Variants in CSMD1 observed in about 807,000 individuals in gnomAD.
CSMD1 encodes CUB and sushi domain-containing protein 1.
CSMD1 carries 213 observed loss-of-function variants against 417.5 expected under a neutral mutation model. The observed-to-expected ratio is 0.51, with a 90% CI of 0.46 to 0.57. CSMD1 has a LOEUF of 0.57. Ranked by LOEUF, CSMD1 falls within the 20% of genes least tolerant of loss-of-function variation. The pLI is 0.00. For missense variants in CSMD1, 6,923 were observed against 4,529.7 expected (o/e 1.53, Z -15.17); for synonymous variants, 2,862 against 1,736.8 (o/e 1.65, Z -16.11).
chr8:4,634,275 C>G (rs73188776), intron 2 of CSMD1, among the ~76,000 whole-genome samples: 15,944 of 151,976 alleles, frequency 0.1, 900 homozygotes, highest in Non-Finnish European at 0.12. Context: ...GTAAATAATA[C>G]TATATTTCTG....
At chr8:3,224,195 C>G (rs759491206) in intron 27 of CSMD1, among the ~76,000 whole-genome samples, 17 of 152,280 alleles carry the variant, frequency 1.1e-4, no homozygotes, top group Middle Eastern at 3.4e-3. Context: ...CCCATACCTG[C>G]CAACGTGCAC....
At chr8:4,827,198 C>A (rs149012822) in intron 1 of CSMD1, among the ~76,000 whole-genome samples, 245 of 152,204 alleles carry the variant, frequency 1.6e-3, no homozygotes, top group African/African-American at 5.7e-3. Flanking sequence ...TAACTGAAAA[C>A]CTCAGAATGT....
intron 1 of CSMD1, among the ~76,000 whole-genome samples, chr8:4,799,937 T>G (rs1798185504): frequency 6.6e-6 from 1 of 152,102 alleles, no homozygotes; most frequent in South Asian, 2.1e-4. Context: ...AAGCGATGCA[T>G]GTACCCTCGA....
chr8:4,964,193 A>C (rs1809695606), intron 1 of CSMD1, among the ~76,000 whole-genome samples: 1 of 152,074 alleles, frequency 6.6e-6, no homozygotes, highest in Non-Finnish European at 1.5e-5. Flanking sequence ...GAAATACATT[A>C]ATACATTTTA....
chr8:3,059,933 G>A (rs1230173578), intron 49 of CSMD1, among the ~76,000 whole-genome samples: 3 of 152,144 alleles, frequency 2.0e-5, no homozygotes, highest in African/African-American at 4.8e-5. Context: ...TATCTTAGCA[G>A]TGGGATCGTG....
intron 5 of CSMD1, among the ~76,000 whole-genome samples, chr8:3,799,392 C>T (rs1326993212): frequency 3.0e-5 from 3 of 99,222 alleles, no homozygotes; most frequent in Non-Finnish European, 5.7e-5. Context: ...GCTATCCCTC[C>T]CCCCTCCCCC....
intron 3 of CSMD1, among the ~76,000 whole-genome samples, chr8:4,033,478 T>C (rs899254694): frequency 7.2e-5 from 11 of 152,090 alleles, no homozygotes; most frequent in Non-Finnish European, 1.6e-4. Context: ...AAACCTTTGA[T>C]TCTACCTATG....
chr8:3,534,222 A>G (rs1341368237), intron 10 of CSMD1, among the ~76,000 whole-genome samples: 1 of 152,184 alleles, frequency 6.6e-6, no homozygotes, highest in African/African-American at 2.4e-5. Flanking sequence ...CCCTTTGCCT[A>G]GGTAGTCCAG....
chr8:3,473,914 G>A (rs900609457), intron 11 of CSMD1, among the ~76,000 whole-genome samples: 6 of 152,092 alleles, frequency 3.9e-5, no homozygotes, highest in Admixed American at 2.6e-4. Flanking sequence ...AGCAAGGCAC[G>A]TCTTACATGG....
intron 1 of CSMD1, among the ~76,000 whole-genome samples, chr8:4,975,026 A>G (rs1444413183): frequency 6.6e-6 from 1 of 152,192 alleles, no homozygotes; most frequent in Non-Finnish European, 1.5e-5. Context: ...GCTCTACTAG[A>G]AGGCATTCAC....
At chr8:2,958,991 T>C (rs1040960954) in intron 62 of CSMD1, among the ~76,000 whole-genome samples, 1 of 152,204 alleles carries the variant, frequency 6.6e-6, no homozygotes, top group African/African-American at 2.4e-5. Context: ...AGTGGAAGTA[T>C]GAATTTATAA....
chr8:4,170,576 T>C (rs767029356), intron 3 of CSMD1, among the ~76,000 whole-genome samples: 1 of 151,890 alleles, frequency 6.6e-6, no homozygotes. Flanking sequence ...ATGAAAACCT[T>C]AGCAGTACAC....
intron 4 of CSMD1, among the ~76,000 whole-genome samples, chr8:4,031,516 C>T (rs1797344910): frequency 6.6e-6 from 1 of 152,158 alleles, no homozygotes; most frequent in South Asian, 2.1e-4. Flanking sequence ...AGGTTCCTCC[C>T]ACAACATGTG....
chr8:3,439,309 A>ATATATATATATATATATATATATTTTTTT, intron 12 of CSMD1, among the ~76,000 whole-genome samples: 3 of 62,456 alleles, frequency 4.8e-5, no homozygotes, highest in Admixed American at 2.2e-4. Context: ...ATATATATAT[A>ATATATATATATATATATATATATTTTTTT]TTTTTTTTTT....
intron 3 of CSMD1, among the ~76,000 whole-genome samples, chr8:4,384,033 G>C (rs76523457): frequency 0.1 from 14,149 of 138,078 alleles, 791 homozygotes; most frequent in South Asian, 0.22. Flanking sequence ...CCTCATAACA[G>C]ATGTTTGGTC....
intron 2 of CSMD1, among the ~76,000 whole-genome samples, chr8:4,586,174 C>T (rs80158885): frequency 0.041 from 6,188 of 152,212 alleles, 418 homozygotes; most frequent in African/African-American, 0.14. Context: ...ATGCCAATTC[C>T]ACTCTTTTGG....
chr8:3,584,457 G>A (rs145167807), intron 9 of CSMD1, among the ~76,000 whole-genome samples: 1 of 152,098 alleles, frequency 6.6e-6, no homozygotes, highest in African/African-American at 2.4e-5. Context: ...GTGAGTAGCT[G>A]GGGGGTTGAG....
chr8:4,419,905 G>C (rs1214268775), intron 3 of CSMD1, 48 bp downstream of exon 3: 10 of 1,213,652 alleles, frequency 8.2e-6, no homozygotes, highest in East Asian at 2.6e-5. Flanking sequence ...GCATGTATTA[G>C]ATCATTTGGA....
chr8:4,352,570 A>C (rs1801160127), intron 3 of CSMD1, among the ~76,000 whole-genome samples: 1 of 152,240 alleles, frequency 6.6e-6, no homozygotes, highest in Admixed American at 6.5e-5. Flanking sequence ...TTCATTTTCC[A>C]TGTAACTTCA....
Sources: gnomAD v4.1 joint callset for allele counts (sites outside exome capture counted in the v4.1 genomes callset) on GRCh38, gnomAD v4.1.1 for gene constraint, MANE v1.5 for transcripts, NCBI Gene and HGNC (gene_info 2026-07-23, HGNC 2026-07-21) for gene names.